Variants in MMP26 observed in about 807,000 individuals in gnomAD.
The protein encoded by MMP26 is matrix metallopeptidase 26, also known as matrix metalloproteinase-26.
MMP26 carries 33 observed loss-of-function variants against 31.0 expected under a neutral mutation model. The observed-to-expected ratio is 1.06, with a 90% CI of 0.81 to 1.42. The LOEUF (loss-of-function observed/expected upper bound fraction) is 1.42. Ranked by LOEUF, MMP26 falls within the 40% of genes most tolerant of loss-of-function variation. MMP26 has a pLI of 0.00. For missense variants in MMP26, 347 were observed against 316.1 expected (o/e 1.10, Z -0.74); for synonymous variants, 122 against 114.9 (o/e 1.06, Z -0.40).
At chr11:4,912,079 T>C (rs903890937) in intron 2 of MMP26, among the ~76,000 whole-genome samples, 2 of 152,210 alleles carry the variant, frequency 1.3e-5, no homozygotes, top group African/African-American at 2.4e-5. Context: ...TTGTGGTTTT[T>C]CGTCTGTGTT....
At chr11:4,964,755 A>G (rs1393413500) in intron 2 of MMP26, among the ~76,000 whole-genome samples, 1 of 152,178 alleles carries the variant, frequency 6.6e-6, no homozygotes, top group Non-Finnish European at 1.5e-5. Flanking sequence ...GAATGAGATC[A>G]TGTCCTTCGC....
chr11:4,802,568 G>T (rs1298563890), intron 2 of MMP26, among the ~76,000 whole-genome samples: 1 of 152,066 alleles, frequency 6.6e-6, no homozygotes, highest in Non-Finnish European at 1.5e-5. Flanking sequence ...CTTGTGATAA[G>T]TACTAGGTGA....
At chr11:4,912,843 T>C (rs540493830) in intron 2 of MMP26, 1 of 152,210 alleles carries the variant, frequency 6.6e-6, no homozygotes, top group African/African-American at 2.4e-5. Context: ...CCACTGTTGA[T>C]CTTCATTTTT....
chr11:4,986,511 A>AT lies in MMP26; in HGVS notation c.-144-1520dup, dbSNP rs58016783. Among the ~76,000 whole-genome samples, 62 of 31,634 alleles carry AT rather than the reference A, an allele frequency of 2.0e-3. 11 individuals carry two copies. The highest frequency in any genetic ancestry group is 2.7e-3 in the East Asian group (2 of 738). 20.8% of individuals were successfully genotyped at this position (31,634 alleles called of 152,430 possible). Reference sequence around the variant, plus strand: ...AAGTGAGCACCACCATGCCCAGTCGATTTTTTTTTTTTTTTTTTTTTTTTT... The same window carrying AT: ...AAGTGAGCACCACCATGCCCAGTCGATTTTTTTTTTTTTTTTTTTTTTTTTT... On this transcript the variant is annotated intron_variant, in intron 2 of 7. Transcript: ENST00000380390.
At position 4,929,564 on chromosome 11, in the gene MMP26, A is replaced by G. The variant is rs1489239926; in HGVS notation, c.-144-58504A>G. Among the ~76,000 whole-genome samples the G allele has an allele frequency of 2.0e-5, 3 of 152,142 alleles. No individual in the cohort carries two copies. In the East Asian group the frequency reaches 5.8e-4, roughly 29 times the overall value. ...TTCACATGTTATGCTATAAATTCAT[A>G]ATTTTTCAATTAGGTTGAATAACTG... is the stretch of plus-strand genomic sequence containing the variant. On this transcript the variant is annotated intron_variant, in intron 2 of 7. Transcript: ENST00000380390.
intron 2 of MMP26, among the ~76,000 whole-genome samples, chr11:4,783,756 A>G (rs931266549): frequency 1.3e-5 from 2 of 152,086 alleles, no homozygotes; most frequent in African/African-American, 4.8e-5. Context: ...GTCTTTCCAT[A>G]CTGTTCTCAT....
At chr11:4,720,016 G>A (rs1847989471) in intron 1 of MMP26, among the ~76,000 whole-genome samples, 1 of 152,166 alleles carries the variant, frequency 6.6e-6, no homozygotes, top group African/African-American at 2.4e-5. Flanking sequence ...ACCATAGACA[G>A]CTTGCCGTGT....
chr11:4,871,207 A>C (rs1850305848), intron 2 of MMP26, among the ~76,000 whole-genome samples: 1 of 152,038 alleles, frequency 6.6e-6, no homozygotes, highest in African/African-American at 2.4e-5. Context: ...ATCTGCACAT[A>C]CTGTTTCAGT....
At chr11:4,902,372 C>T (rs78929282) in intron 2 of MMP26, among the ~76,000 whole-genome samples, 3,994 of 150,548 alleles carry the variant, frequency 0.027, 204 homozygotes, top group African/African-American at 0.095. Context: ...AACACAGTAT[C>T]TGGTTTTCTG....
chr11:4,986,932 C>CTCTCTCTCTCTCTCTCCCTCTCTCT, intron 2 of MMP26, among the ~76,000 whole-genome samples: 1 of 60,408 alleles, frequency 1.7e-5, no homozygotes, highest in Non-Finnish European at 3.1e-5. Context: ...TCTCTCTCTC[C>CTCTCTCTCTCTCTCTCCCTCTCTCT]CTCTCTCTCT....
At chr11:4,845,432 T>G (rs1228677751) in intron 2 of MMP26, among the ~76,000 whole-genome samples, 1 of 152,006 alleles carries the variant, frequency 6.6e-6, no homozygotes, top group Non-Finnish European at 1.5e-5. Context: ...AACCATAAAA[T>G]AACCAGAATA....
chr11:4,739,933 A>G (rs1564898581), intron 1 of MMP26, among the ~76,000 whole-genome samples: 1 of 152,212 alleles, frequency 6.6e-6, no homozygotes, highest in Non-Finnish European at 1.5e-5. Flanking sequence ...TAAAAATGTC[A>G]CAACAATAAG....
chr11:4,726,531 A>ATAGCTAG (rs1345895813), intron 1 of MMP26, among the ~76,000 whole-genome samples: 3 of 152,144 alleles, frequency 2.0e-5, no homozygotes, highest in Admixed American at 2.0e-4. Context: ...CATTAAAATA[A>ATAGCTAG]TAGCTAGTAA....
chr11:4,900,739 C>T (rs1285097528), intron 2 of MMP26, among the ~76,000 whole-genome samples: 1 of 152,206 alleles, frequency 6.6e-6, no homozygotes, highest in African/African-American at 2.4e-5. Context: ...CATGCCACTT[C>T]ATCCCTCTGC....
At chr11:4,843,091 T>G (rs1849818502) in intron 2 of MMP26, among the ~76,000 whole-genome samples, 1 of 152,246 alleles carries the variant, frequency 6.6e-6, no homozygotes, top group Admixed American at 6.5e-5. Context: ...CCTGTGCCCC[T>G]GTGGCTATTC....
chr11:4,782,778 C>T (rs1465697566), intron 2 of MMP26, among the ~76,000 whole-genome samples: 1 of 152,180 alleles, frequency 6.6e-6, no homozygotes, highest in East Asian at 1.9e-4. Context: ...ACTTGGTGCC[C>T]TGCATCCCAG....
chr11:4,881,792 T>TA lies in MMP26; in HGVS notation c.-144-106275dup, dbSNP rs754987253. ...TTCTTTAAAACAGAAGAAAAATAACTACCTTAAATTTAAAATTGTATATAA... is the reference window on the plus strand; with the variant it reads ...TTCTTTAAAACAGAAGAAAAATAACTAACCTTAAATTTAAAATTGTATATAA... On this transcript the variant is annotated intron_variant, in intron 2 of 7. Coordinates refer to ENST00000380390, the MANE Select transcript of MMP26 (RefSeq NM_021801.5). 3.0e-6 allele frequency: 3 copies of TA among 1,008,278 alleles called. No individual in the cohort carries two copies. The South Asian group carries it at 4.9e-5, about 16-fold the overall frequency. 62.5% of individuals were successfully genotyped at this position (1,008,278 alleles called of 1,614,324 possible). A position where few individuals can be genotyped will look rare whatever the true frequency, so the allele number is the denominator to read the frequency against.
intron 2 of MMP26, chr11:4,859,817 C>T (rs915511434): frequency 3.2e-5 from 15 of 471,376 alleles, no homozygotes; most frequent in Admixed American, 1.2e-4. Flanking sequence ...AAGAGGAGCA[C>T]GGTAGACATG....
At chr11:4,925,706 T>G (rs1223829261) in intron 2 of MMP26, among the ~76,000 whole-genome samples, 1 of 148,382 alleles carries the variant, frequency 6.7e-6, no homozygotes, top group South Asian at 2.1e-4. Context: ...GAATGGAGAA[T>G]CAGAGAAATA....
Sources: allele counts gnomAD v4.1 joint callset (sites outside exome capture counted in the v4.1 genomes callset), GRCh38; gene constraint gnomAD v4.1.1; transcripts MANE v1.5; gene names NCBI Gene and HGNC (gene_info 2026-07-23, HGNC 2026-07-21).